The following PAK5 variants were observed in gnomAD, a reference collection of about 807,000 sequenced individuals.
PAK5 encodes the protein p21 (RAC1) activated kinase 5.
Under a neutral mutation model 65.9 loss-of-function variants are expected in PAK5, and 16 were observed. The observed-to-expected ratio is 0.24, with a 90% CI of 0.16 to 0.37. PAK5 has a LOEUF of 0.37. PAK5 is among the 10% of genes least tolerant of loss of function. The pLI is 1.00. For missense variants in PAK5, 785 were observed against 903.9 expected (o/e 0.87, Z 1.69); for synonymous variants, 371 against 354.9 (o/e 1.05, Z -0.51).
chr20:9,825,537 C>A (rs1192131487), intron 1 of PAK5, among the ~76,000 whole-genome samples: 1 of 152,066 alleles, frequency 6.6e-6, no homozygotes, highest in Non-Finnish European at 1.5e-5. Context: ...TAATCCCTAC[C>A]TCCAGCAAGC....
intron 9 of PAK5, among the ~76,000 whole-genome samples, chr20:9,541,681 A>T (rs900260876): frequency 9.2e-5 from 14 of 151,418 alleles, no homozygotes; most frequent in African/African-American, 3.4e-4. Context: ...GGCTTCCTTC[A>T]CTCTTCAGCT....
At chr20:9,635,800 A>C (rs1394652074) in intron 3 of PAK5, among the ~76,000 whole-genome samples, 2 of 152,182 alleles carry the variant, frequency 1.3e-5, no homozygotes, top group African/African-American at 4.8e-5. Context: ...CAAACAAAAA[A>C]CACTGATTTA....
rs5840332 is a variant in PAK5, at chr20:9,760,673, CTTTTTTT to C, written c.-161-49245_-161-49239del. Among the ~76,000 whole-genome samples the C allele has an allele frequency of 3.3e-5, 4 of 122,798 alleles. No individual in the cohort carries two copies. The East Asian group carries it at 9.5e-4, about 29-fold the overall frequency. 80.6% of individuals were successfully genotyped at this position (122,798 alleles called of 152,430 possible). ...ACATTTATCTTTTTTCTTTTCTTTT[CTTTTTTT>C]TTTTTTTTTTAGACAGAGTATTACT... On this transcript the variant is annotated intron_variant, in intron 1 of 9. Coordinates refer to ENST00000353224, the MANE Select transcript of PAK5 (RefSeq NM_177990.4).
At chr20:9,553,327 G>A (rs2045459045) in intron 7 of PAK5, among the ~76,000 whole-genome samples, 1 of 152,188 alleles carries the variant, frequency 6.6e-6, no homozygotes, top group South Asian at 2.1e-4. Flanking sequence ...TGCTGAAGAA[G>A]TCTGGGAGAC....
intron 3 of PAK5, among the ~76,000 whole-genome samples, chr20:9,636,025 G>A (rs936589013): frequency 2.0e-5 from 3 of 152,136 alleles, no homozygotes; most frequent in Admixed American, 2.0e-4. Context: ...ACTCCTTCTG[G>A]CTTAATTCTG....
chr20:9,625,805 G>T (rs1022817187), intron 3 of PAK5, among the ~76,000 whole-genome samples: 2 of 152,198 alleles, frequency 1.3e-5, no homozygotes. Context: ...TTATAGGCTT[G>T]TCAATTCCTT....
intron 1 of PAK5, among the ~76,000 whole-genome samples, chr20:9,807,760 A>AT (rs1246801986): frequency 2.2e-5 from 3 of 134,116 alleles, no homozygotes; most frequent in East Asian, 2.3e-4. Flanking sequence ...CCAGCAAAAA[A>AT]TAAATAATAA....
intron 4 of PAK5, among the ~76,000 whole-genome samples, chr20:9,570,841 A>G (rs1014443491): frequency 4.6e-5 from 7 of 152,230 alleles, no homozygotes; most frequent in African/African-American, 1.2e-4. Flanking sequence ...ACCGCTTTGC[A>G]CTAATTTAGG....
chr20:9,803,556 T>C (rs926496), intron 1 of PAK5, among the ~76,000 whole-genome samples: 60,977 of 152,060 alleles, frequency 0.4, 12,612 homozygotes, highest in Admixed American at 0.47. Context: ...GTCAGCCTTC[T>C]AAACAAACCT....
intron 1 of PAK5, among the ~76,000 whole-genome samples, chr20:9,741,870 G>GAA (rs111246210): frequency 2.8e-5 from 4 of 142,546 alleles, no homozygotes; most frequent in African/African-American, 1.0e-4. Flanking sequence ...ATCTAGCAGA[G>GAA]AAAAAAAAAA....
intron 4 of PAK5, among the ~76,000 whole-genome samples, chr20:9,574,294 G>C (rs1361694026): frequency 6.6e-6 from 1 of 152,172 alleles, no homozygotes; most frequent in African/African-American, 2.4e-5. Flanking sequence ...ATGAAGCAAT[G>C]AATAAATCTG....
intron 1 of PAK5, among the ~76,000 whole-genome samples, chr20:9,812,669 G>C (rs2049311544): frequency 6.6e-6 from 1 of 152,120 alleles, no homozygotes; most frequent in Non-Finnish European, 1.5e-5. Flanking sequence ...GCAAAAGTTA[G>C]AATCAACTCA....
chr20:9,688,835 TA>T (rs1018696397), intron 2 of PAK5, among the ~76,000 whole-genome samples: 23 of 152,144 alleles, frequency 1.5e-4, no homozygotes, highest in African/African-American at 5.6e-4. Flanking sequence ...GTGTGCTATA[TA>T]AATTCTAACT....
At chr20:9,755,103 A>G (rs988068454) in intron 1 of PAK5, among the ~76,000 whole-genome samples, 6 of 152,212 alleles carry the variant, frequency 3.9e-5, no homozygotes, top group African/African-American at 1.4e-4. Context: ...TCAATAGCCA[A>G]ATGAAATACC....
At chr20:9,582,282 G>A (rs773642184) in intron 3 of PAK5, among the ~76,000 whole-genome samples, 3 of 152,098 alleles carry the variant, frequency 2.0e-5, no homozygotes, top group Non-Finnish European at 2.9e-5. Context: ...TATATCTTCC[G>A]AGTTTCCTCT....
At chr20:9,693,124 C>T (rs1035065471) in intron 2 of PAK5, among the ~76,000 whole-genome samples, 1 of 152,050 alleles carries the variant, frequency 6.6e-6, no homozygotes, top group Non-Finnish European at 1.5e-5. Flanking sequence ...TGGCAACTTT[C>T]CTGGTTCCGT....
At chr20:9,837,735 T>A (rs1275531004) in intron 1 of PAK5, among the ~76,000 whole-genome samples, 4 of 152,190 alleles carry the variant, frequency 2.6e-5, no homozygotes, top group Non-Finnish European at 5.9e-5. Context: ...TGTGGCTATG[T>A]CTTGGTAGAA....
chr20:9,685,728 G>A (rs1330561748), intron 2 of PAK5, among the ~76,000 whole-genome samples: 2 of 152,224 alleles, frequency 1.3e-5, no homozygotes, highest in Non-Finnish European at 2.9e-5. Flanking sequence ...TAATTGGGAT[G>A]TTCTCAGAAT....
At chr20:9,777,620 A>T (rs1196979942) in intron 1 of PAK5, among the ~76,000 whole-genome samples, 1 of 152,228 alleles carries the variant, frequency 6.6e-6, no homozygotes, top group African/African-American at 2.4e-5. Context: ...AACTACCTAT[A>T]GCAGGGCGGT....
Sources: gnomAD v4.1 joint callset for allele counts (sites outside exome capture counted in the v4.1 genomes callset) on GRCh38, gnomAD v4.1.1 for gene constraint, MANE v1.5 for transcripts, NCBI Gene and HGNC (gene_info 2026-07-23, HGNC 2026-07-21) for gene names.